The following TTC27 variants were observed in gnomAD, a reference collection of about 807,000 sequenced individuals.
TTC27 encodes tetratricopeptide repeat domain 27.
Under a neutral mutation model 115.9 loss-of-function variants are expected in TTC27, and 79 were observed. That is an observed-to-expected ratio of 0.68 (90% CI 0.57 to 0.82). The LOEUF (loss-of-function observed/expected upper bound fraction) is 0.82. Ranked by LOEUF, TTC27 falls within the 40% of genes least tolerant of loss-of-function variation. The pLI is 0.00. For synonymous variants in TTC27, 401 were observed against 356.0 expected (o/e 1.13, Z -1.42); for missense variants, 1,054 against 993.1 (o/e 1.06, Z -0.82).
Position 32,815,223 on chromosome 2 carries a change from ATTTTTTTTTTTTT to A in TTC27, c.2309-2215_2309-2203del, listed in dbSNP as rs533493768. On this transcript the variant is annotated intron_variant, in intron 18 of 19. Coordinates refer to ENST00000317907, the MANE Select transcript of TTC27 (RefSeq NM_017735.5). Reference sequence around the variant, plus strand: ...CATAGAGGAGGCACTGCTGCTTCAGATTTTTTTTTTTTTTTTTTTTTTTTTTTTTTTGAGACGG... The same window carrying A: ...CATAGAGGAGGCACTGCTGCTTCAGATTTTTTTTTTTTTTTTTTGAGACGG... Among the ~76,000 whole-genome samples, 417 of 55,520 alleles carry A rather than the reference ATTTTTTTTTTTTT, an allele frequency of 7.5e-3. 5 individuals are homozygous for A. The highest frequency in any genetic ancestry group is 9.5e-3 in the Non-Finnish European group (319 of 33,746). 36.4% of individuals were successfully genotyped at this position (55,520 alleles called of 152,430 possible).
intron 10 of TTC27, among the ~76,000 whole-genome samples, chr2:32,715,957 G>GTGTTTTGTTTTTTTAAACTA (rs58988781): frequency 0.51 from 77,496 of 151,496 alleles, 20,387 homozygotes; most frequent in Middle Eastern, 0.7. Context: ...GTAGTGAAGT[G>GTGTTTTGTTTTTTTAAACTA]TGTCACTGTT....
At chr2:32,650,502 A>G (rs1665074141) in intron 5 of TTC27, among the ~76,000 whole-genome samples, 1 of 151,682 alleles carries the variant, frequency 6.6e-6, no homozygotes, top group African/African-American at 2.4e-5. Flanking sequence ...GTAGGTCACC[A>G]TGATTTTATC....
At chr2:32,667,820 G>A (rs1307477858) in intron 7 of TTC27, among the ~76,000 whole-genome samples, 1 of 149,822 alleles carries the variant, frequency 6.7e-6, no homozygotes, top group East Asian at 2.0e-4. Context: ...TTGGGAGGCT[G>A]AAGTGGGTGG....
intron 9 of TTC27, among the ~76,000 whole-genome samples, chr2:32,689,891 T>C (rs535409745): frequency 6.6e-6 from 1 of 152,320 alleles, no homozygotes; most frequent in South Asian, 2.1e-4. Flanking sequence ...TTAATCAATA[T>C]AAAAATAGGT....
intron 16 of TTC27, among the ~76,000 whole-genome samples, chr2:32,809,074 A>G (rs1285078817): frequency 6.6e-6 from 1 of 152,200 alleles, no homozygotes; most frequent in Non-Finnish European, 1.5e-5. Context: ...AAAAAGCACA[A>G]CTGAATTTTC....
chr2:32,659,042 G>A lies in TTC27; in HGVS notation c.641-5261G>A, dbSNP rs115793659. On this transcript the variant is annotated intron_variant, in intron 5 of 19. Coordinates refer to ENST00000317907, the MANE Select transcript of TTC27 (RefSeq NM_017735.5). ...TGCAGTGGCATGATCATAACTCACT[G>A]CAGCCTTGAACTTTTGGGTTCAAAT... Among the ~76,000 whole-genome samples the A allele has an allele frequency of 2.8e-3, 421 of 152,228 alleles. 1 individual carries two copies. Among genetic ancestry groups the A allele is most frequent in the African/African-American group, 8.1e-3 (336 of 41,538 alleles).
intron 10 of TTC27, among the ~76,000 whole-genome samples, chr2:32,711,343 C>T (rs1667574529): frequency 2.6e-5 from 4 of 152,130 alleles, no homozygotes; most frequent in Admixed American, 2.6e-4. Flanking sequence ...CTCTTTACTT[C>T]CCCAACGCAG....
intron 12 of TTC27, among the ~76,000 whole-genome samples, chr2:32,747,101 C>T (rs1391395820): frequency 1.3e-5 from 2 of 152,132 alleles, no homozygotes; most frequent in Admixed American, 6.6e-5. Context: ...ATAGAATATC[C>T]AGAACTGATG....
At chr2:32,637,812 T>C (rs1664486317) in intron 3 of TTC27, among the ~76,000 whole-genome samples, 1 of 152,240 alleles carries the variant, frequency 6.6e-6, no homozygotes, top group Non-Finnish European at 1.5e-5. Flanking sequence ...ATATTCACTG[T>C]ACATTCAGTA....
intron 14 of TTC27, among the ~76,000 whole-genome samples, chr2:32,780,429 AT>A (rs1261283278): frequency 1.3e-5 from 2 of 151,872 alleles, no homozygotes; most frequent in African/African-American, 4.8e-5. Context: ...AAATGGAATT[AT>A]TTTCTTAATT....
chr2:32,762,899 C>T (rs1193215385), intron 13 of TTC27, among the ~76,000 whole-genome samples: 2 of 152,302 alleles, frequency 1.3e-5, no homozygotes, highest in African/African-American at 2.4e-5. Flanking sequence ...CTCGGTCTCC[C>T]AAAGTGCTGG....
intron 16 of TTC27, among the ~76,000 whole-genome samples, chr2:32,798,540 A>G (rs576405768): frequency 1.3e-5 from 2 of 151,724 alleles, no homozygotes; most frequent in East Asian, 3.9e-4. Context: ...TGTCTCTACT[A>G]AAAATACAAC....
intron 13 of TTC27, among the ~76,000 whole-genome samples, chr2:32,773,722 T>C (rs1402821757): frequency 1.3e-5 from 2 of 152,196 alleles, no homozygotes; most frequent in Non-Finnish European, 2.9e-5. Context: ...TTGGCACACA[T>C]AGCAGATGCT....
chr2:32,647,563 T>C (rs1664913982), intron 4 of TTC27, among the ~76,000 whole-genome samples: 1 of 152,232 alleles, frequency 6.6e-6, no homozygotes, highest in African/African-American at 2.4e-5. Flanking sequence ...CATTTGTGGT[T>C]GCATCACGGT....
intron 12 of TTC27, among the ~76,000 whole-genome samples, chr2:32,749,539 T>C (rs1395210314): frequency 2.0e-5 from 3 of 152,234 alleles, no homozygotes; most frequent in Non-Finnish European, 4.4e-5. Context: ...TGCAAGTCTT[T>C]GGTTAATTTT....
chr2:32,731,814 G>T (rs1223569494), intron 10 of TTC27, among the ~76,000 whole-genome samples: 1 of 152,128 alleles, frequency 6.6e-6, no homozygotes, highest in Non-Finnish European at 1.5e-5. Flanking sequence ...AGAGTTGTAA[G>T]AGACACTTAA....
At chr2:32,765,397 C>T (rs1669591938) in intron 13 of TTC27, among the ~76,000 whole-genome samples, 1 of 149,448 alleles carries the variant, frequency 6.7e-6, no homozygotes, top group Admixed American at 6.7e-5. Context: ...TCCACAATGG[C>T]CTTGAAATAT....
At chr2:32,735,731 G>T (rs1042830827) in intron 11 of TTC27, among the ~76,000 whole-genome samples, 8 of 152,244 alleles carry the variant, frequency 5.3e-5, no homozygotes, top group African/African-American at 1.9e-4. Context: ...ATATTGTACT[G>T]CTCACTGCAT....
At chr2:32,744,372 C>T (rs745741815) in intron 12 of TTC27, among the ~76,000 whole-genome samples, 4 of 152,130 alleles carry the variant, frequency 2.6e-5, no homozygotes, top group Admixed American at 6.5e-5. Context: ...TAATTTTTTT[C>T]TCTTTGACCT....
Sources: allele counts gnomAD v4.1 joint callset (sites outside exome capture counted in the v4.1 genomes callset), GRCh38; gene constraint gnomAD v4.1.1; transcripts MANE v1.5; gene names NCBI Gene and HGNC (gene_info 2026-07-23, HGNC 2026-07-21).